PROCR: variants seen among roughly 807,000 people sequenced by gnomAD.
The protein encoded by PROCR is protein C receptor.
PROCR carries 22 observed loss-of-function variants against 24.2 expected under a neutral mutation model. The observed-to-expected ratio is 0.91, with a 90% CI of 0.65 to 1.30. The LOEUF is 1.30. Among genes scored for constraint, PROCR ranks in the 50% most tolerant of loss-of-function variants. The probability of loss-of-function intolerance (pLI) is 0.00; values close to 1 mark genes in which losing one functional copy is unlikely to be tolerated. For missense variants in PROCR, 288 were observed against 307.7 expected, an observed-to-expected ratio of 0.94 and a Z score of 0.48; for synonymous variants, 137 against 139.2, an observed-to-expected ratio of 0.98 and a Z score of 0.11.
chr20:35,207,392 GTATATA>G (rs11471756), intron 1 of PROCR, among the ~76,000 whole-genome samples: 13 of 146,090 alleles, frequency 8.9e-5, no homozygotes, highest in South Asian at 4.3e-4. Flanking sequence ...GTATGTTTGT[GTATATA>G]TATATATATA....
chr20:35,173,631 T>C (rs910570170), intron 1 of PROCR, among the ~76,000 whole-genome samples: 2 of 151,930 alleles, frequency 1.3e-5, no homozygotes, highest in Non-Finnish European at 2.9e-5. Flanking sequence ...GGTTTCGCCA[T>C]GTTGGCCAGG....
At chr20:35,174,601 C>G in intron 1 of PROCR, 101 bp from the exon 2 acceptor site, 4 of 1,465,242 alleles carry the variant, frequency 2.7e-6, no homozygotes, top group East Asian at 2.3e-5. Flanking sequence ...TATGAAGGGT[C>G]GAGAAGGCGG....
chr20:35,208,159 T>C (rs1382217441), intron 1 of PROCR, among the ~76,000 whole-genome samples: 1 of 151,966 alleles, frequency 6.6e-6, no homozygotes, highest in East Asian at 1.9e-4. Context: ...GAGGTAGAGG[T>C]GGAGGGCAAT....
chr20:35,190,851 G>A (rs764521248), intron 1 of PROCR, among the ~76,000 whole-genome samples: 1 of 152,046 alleles, frequency 6.6e-6, no homozygotes, highest in Non-Finnish European at 1.5e-5. Flanking sequence ...TGATGGTCCT[G>A]TTCTCCTAAA....
downstream of PROCR, among the ~76,000 whole-genome samples, chr20:35,180,054 T>G (rs1455119093): frequency 6.6e-6 from 1 of 152,112 alleles, no homozygotes; most frequent in East Asian, 1.9e-4. Context: ...GAGACCAGCC[T>G]GGCCAACATG....
chr20:35,179,980 T>C (rs971321156), downstream of PROCR, among the ~76,000 whole-genome samples: 1 of 152,122 alleles, frequency 6.6e-6, no homozygotes, highest in African/African-American at 2.4e-5. Flanking sequence ...GCATGATGGT[T>C]CACGCTTGTA....
At chr20:35,185,827 A>G (rs117249133) in intron 1 of PROCR, among the ~76,000 whole-genome samples, 11,336 of 152,180 alleles carry the variant, frequency 0.074, 599 homozygotes, top group South Asian at 0.16. Flanking sequence ...CCACCAAACA[A>G]CTTACTCATG....
intron 1 of PROCR, among the ~76,000 whole-genome samples, chr20:35,194,822 A>C (rs4911478): frequency 0.41 from 62,354 of 152,074 alleles, 13,501 homozygotes; most frequent in East Asian, 0.64. Flanking sequence ...GTAGTCTGAA[A>C]CTAATTGAGT....
At chr20:35,195,021 T>C (rs907018100) in intron 1 of PROCR, among the ~76,000 whole-genome samples, 2 of 152,198 alleles carry the variant, frequency 1.3e-5, no homozygotes, top group African/African-American at 4.8e-5. Flanking sequence ...ATTTAGATGT[T>C]AGAATTATCT....
At position 35,177,004 on chromosome 20, in the gene PROCR, TG is replaced by T. The variant is rs2086027353; in HGVS notation, c.*193del. 1 of 1,434,012 alleles carries T rather than the reference TG, an allele frequency of 7.0e-7. No individual in the cohort carries two copies. Among genetic ancestry groups the T allele is most frequent in the Non-Finnish European group, 9.1e-7 (1 of 1,093,880 alleles). 88.8% of individuals were successfully genotyped at this position (1,434,012 alleles called of 1,614,324 possible). A position where few individuals can be genotyped will look rare whatever the true frequency, so the allele number is the denominator to read the frequency against. ...GGAGAGGAGAGGTGGACAAAGTACT[TG>T]GTTTGCTAAGAACCTAAGAACGTGT... is the stretch of plus-strand genomic sequence containing the variant. On this transcript the variant is annotated 3_prime_UTR_variant, in exon 4 of 4. Transcript: ENST00000216968.
At chr20:35,193,488 A>G (rs1195018303) in intron 1 of PROCR, among the ~76,000 whole-genome samples, 1 of 152,134 alleles carries the variant, frequency 6.6e-6, no homozygotes, top group Non-Finnish European at 1.5e-5. Context: ...CTGTTTCTTA[A>G]TCTGGATGCT....
intron 1 of PROCR, among the ~76,000 whole-genome samples, chr20:35,207,038 A>C (rs980112661): frequency 6.6e-6 from 1 of 152,236 alleles, no homozygotes; most frequent in African/African-American, 2.4e-5. Flanking sequence ...TACACTCAAC[A>C]ACATGGATGA....
intron 3 of PROCR, 36 bp from the exon 4 acceptor site, chr20:35,176,662 C>T (rs1308361384): frequency 1.3e-6 from 2 of 1,582,106 alleles, no homozygotes; most frequent in Non-Finnish European, 1.7e-6. Flanking sequence ...TCCTTGGGGG[C>T]CTATTCTTCG....
chr20:35,195,506 A>G (rs1457280568), intron 1 of PROCR: 1 of 152,184 alleles, frequency 6.6e-6, no homozygotes, highest in Non-Finnish European at 1.5e-5. Context: ...CAAAAAGTAA[A>G]CGAGAATAAA....
At chr20:35,214,161 C>G (rs1410387901) in intron 1 of PROCR, among the ~76,000 whole-genome samples, 1 of 152,134 alleles carries the variant, frequency 6.6e-6, no homozygotes, top group Non-Finnish European at 1.5e-5. Flanking sequence ...ACTTAAGCTT[C>G]CCTCCAGGAA....
chr20:35,191,769 C>T (rs547660251), intron 1 of PROCR, among the ~76,000 whole-genome samples: 1 of 152,238 alleles, frequency 6.6e-6, no homozygotes, highest in East Asian at 1.9e-4. Flanking sequence ...GGCAAATAAC[C>T]GAGGGCCTAA....
At chr20:35,215,300 T>C (rs76690241) in intron 1 of PROCR, among the ~76,000 whole-genome samples, 3,067 of 152,338 alleles carry the variant, frequency 0.02, 84 homozygotes, top group African/African-American at 0.07. Flanking sequence ...GTTCTGTGTA[T>C]ATTGCATATA....
At chr20:35,185,018 G>C (rs2086110927) in intron 1 of PROCR, among the ~76,000 whole-genome samples, 1 of 76,700 alleles carries the variant, frequency 1.3e-5, no homozygotes, top group African/African-American at 5.7e-5. Flanking sequence ...GAACTCAAAC[G>C]AATCAGTAAG....
At chr20:35,173,423 C>CTTTTTTTTTTTTTTTTTTT (rs58785250) in intron 1 of PROCR, among the ~76,000 whole-genome samples, 1 of 88,152 alleles carries the variant, frequency 1.1e-5, no homozygotes, top group Non-Finnish European at 2.3e-5. Flanking sequence ...TTTCTTTTTT[C>CTTTTTTTTTTTTTTTTTTT]TTTTTTTTTT....
Sources: allele counts gnomAD v4.1 joint callset (sites outside exome capture counted in the v4.1 genomes callset), GRCh38; gene constraint gnomAD v4.1.1; transcripts MANE v1.5; gene names NCBI Gene and HGNC (gene_info 2026-07-23, HGNC 2026-07-21).